ITPR1: variants seen among roughly 807,000 people sequenced by gnomAD.
ITPR1 encodes the protein inositol 1,4,5-trisphosphate-gated calcium channel ITPR1.
A neutral mutation model predicts 318.4 loss-of-function variants in ITPR1; 96 were observed. That is an observed-to-expected ratio of 0.30 (90% CI 0.26 to 0.36). The LOEUF is 0.36. Among genes scored for constraint, ITPR1 ranks in the 10% least tolerant of loss-of-function variants. ITPR1 has a pLI of 1.00. For synonymous variants in ITPR1, 1,312 were observed against 1,289.9 expected, an observed-to-expected ratio of 1.02 and a Z score of -0.37; for missense variants, 2,440 against 3,460.2, an observed-to-expected ratio of 0.71 and a Z score of 7.40.
chr3:4,517,559 TTA>T (rs760907584), intron 3 of ITPR1, among the ~76,000 whole-genome samples: 26 of 152,322 alleles, frequency 1.7e-4, no homozygotes, highest in Admixed American at 6.5e-4. Context: ...AGGGAGCAAA[TTA>T]TTATAGATAC....
intron 61 of ITPR1, among the ~76,000 whole-genome samples, chr3:4,839,479 G>GGT (rs747636617): frequency 9.2e-5 from 14 of 152,086 alleles, no homozygotes; most frequent in Admixed American, 4.6e-4. Flanking sequence ...TCCAGTCAGG[G>GGT]GTGTGTGTGT....
At chr3:4,645,223 G>A (rs1387509109) in intron 8 of ITPR1, among the ~76,000 whole-genome samples, 164 bp from the exon 9 acceptor site, 2 of 152,318 alleles carry the variant, frequency 1.3e-5, no homozygotes, top group Admixed American at 6.5e-5. Context: ...TCTGCCAGCA[G>A]GCCAGTTGAT....
intron 26 of ITPR1, among the ~76,000 whole-genome samples, chr3:4,682,663 C>T (rs537686630): frequency 8.6e-4 from 131 of 152,320 alleles, no homozygotes; most frequent in African/African-American, 3.0e-3. Flanking sequence ...AGCTCTCCCG[C>T]CATTTTCCTC....
chr3:4,498,673 G>A (rs2080789603), intron 2 of ITPR1, among the ~76,000 whole-genome samples: 1 of 152,200 alleles, frequency 6.6e-6, no homozygotes, highest in Admixed American at 6.5e-5. Flanking sequence ...TGGACTGTCT[G>A]GTTAATGACA....
In ITPR1 at chr3:4,693,587, A is replaced by T. The variant is rs955458642; in HGVS notation, c.4127A>T (p.Asp1376Val). The T allele has an allele frequency of 4.3e-6, 7 of 1,613,882 alleles. No homozygotes were observed. Among genetic ancestry groups the T allele is most frequent in the Non-Finnish European group, 5.9e-6 (7 of 1,179,908 alleles). Residue 1376 changes from aspartate (D) to valine (V), a missense_variant, in exon 33 of 62, where the codon GAT (aspartate) becomes GTT (valine). This residue lies in a region of ITPR1 where 222 missense variants were observed against 318.8 expected (regional missense o/e 0.70). Coordinates refer to ENST00000649015, the MANE Select transcript of ITPR1 (RefSeq NM_001378452.1). Reference sequence around the variant, plus strand: ...ATGCGGTCAGAACGGGATCGGATGGATGAGAACAGCCCTCTCATGTACCAC... The same window carrying T: ...ATGCGGTCAGAACGGGATCGGATGGTTGAGAACAGCCCTCTCATGTACCAC... ...QMMRSERDRM[D>V]ENSPLMYHIH...
intron 5 of ITPR1, among the ~76,000 whole-genome samples, chr3:4,630,212 C>A (rs548218886): frequency 8.5e-5 from 13 of 152,094 alleles, no homozygotes; most frequent in Non-Finnish European, 2.9e-5. Flanking sequence ...TCTGTATAAA[C>A]CCCATGAGTG....
At chr3:4,585,493 G>A (rs1380932657) in intron 4 of ITPR1, among the ~76,000 whole-genome samples, 1 of 152,094 alleles carries the variant, frequency 6.6e-6, no homozygotes, top group African/African-American at 2.4e-5. Context: ...CTGGAGTGCA[G>A]TGGTACGATC....
intron 4 of ITPR1, among the ~76,000 whole-genome samples, chr3:4,590,450 G>C (rs2090301701): frequency 6.6e-6 from 1 of 151,230 alleles, no homozygotes; most frequent in Non-Finnish European, 1.5e-5. Context: ...GTTGGCCCTG[G>C]TTGGACAGAA....
rs200562410 is a variant in ITPR1 at position 4,814,520 on chromosome 3, C to T, written c.7659C>T (p.Ser2553=). The T allele has an allele frequency of 2.1e-5, 32 of 1,558,996 alleles. No individual in the cohort carries two copies. In the East Asian group the frequency reaches 2.9e-4, roughly 14 times the overall value. The change falls in exon 58 of 62, where the codon AGC becomes AGT. Residue 2553 remains serine, a synonymous_variant. Coordinates refer to ENST00000649015, the MANE Select transcript of ITPR1 (RefSeq NM_001378452.1). ...IVTVLSHGLR[S]GGGVGDVLRK... is the part of the protein sequence containing the mutation. ...CTGTGCTGAGTCACGGGCTGCGGAG[C>T]GGGGGTGGAGTAGGAGATGTACTCA...
At chr3:4,573,924 A>T (rs2088312440) in intron 4 of ITPR1, among the ~76,000 whole-genome samples, 1 of 152,252 alleles carries the variant, frequency 6.6e-6, no homozygotes, top group African/African-American at 2.4e-5. Flanking sequence ...CAGGGATTCT[A>T]TCTCAGCATC....
chr3:4,800,702 A>T, intron 54 of ITPR1, 102 bp downstream of exon 54: 1 of 1,242,764 alleles, frequency 8.0e-7, no homozygotes, highest in Non-Finnish European at 1.1e-6. Context: ...CAGTCCAGAA[A>T]ATTATTGTTT....
At chr3:4,529,224 C>T (rs938843594) in intron 4 of ITPR1, among the ~76,000 whole-genome samples, 6 of 152,178 alleles carry the variant, frequency 3.9e-5, no homozygotes, top group African/African-American at 1.4e-4. Flanking sequence ...GTCATTTACC[C>T]TTATGATTTA....
chr3:4,545,622 CA>C (rs56829358), intron 4 of ITPR1, among the ~76,000 whole-genome samples: 13,859 of 68,818 alleles, frequency 0.2, 750 homozygotes, highest in East Asian at 0.39. Context: ...GACCCGGTCT[CA>C]AAAAAAAAAA....
chr3:4,601,513 AAAG>A (rs1252553961), intron 4 of ITPR1, among the ~76,000 whole-genome samples: 1 of 140,710 alleles, frequency 7.1e-6, no homozygotes, highest in Non-Finnish European at 1.5e-5. Context: ...AAAAAAAAAA[AAAG>A]TGTTGAACAC....
chr3:4,821,490 A>C (rs2049714098), intron 60 of ITPR1, among the ~76,000 whole-genome samples: 1 of 152,204 alleles, frequency 6.6e-6, no homozygotes, highest in South Asian at 2.1e-4. Flanking sequence ...CTCACCCCAC[A>C]CTGGGTCATA....
At chr3:4,843,537 ACT>A (rs1332069042) in intron 61 of ITPR1, among the ~76,000 whole-genome samples, 1 of 151,924 alleles carries the variant, frequency 6.6e-6, no homozygotes, top group Non-Finnish European at 1.5e-5. Flanking sequence ...TGAGTCAGAA[ACT>A]CTGTTTCTGA....
At chr3:4,803,404 T>G (rs1246350338) in intron 54 of ITPR1, among the ~76,000 whole-genome samples, 1 of 152,182 alleles carries the variant, frequency 6.6e-6, no homozygotes, top group Non-Finnish European at 1.5e-5. Context: ...CACAAATGAT[T>G]GGGAGAAGAA....
intron 34 of ITPR1, among the ~76,000 whole-genome samples, chr3:4,698,569 C>T (rs903510720): frequency 1.3e-5 from 2 of 152,110 alleles, no homozygotes; most frequent in Non-Finnish European, 2.9e-5. Flanking sequence ...TTCTGCCCTT[C>T]TAGCATGAAA....
intron 61 of ITPR1, among the ~76,000 whole-genome samples, chr3:4,837,153 G>A (rs2050982257): frequency 6.6e-6 from 1 of 152,024 alleles, no homozygotes; most frequent in Non-Finnish European, 1.5e-5. Flanking sequence ...TACTTTCAGT[G>A]CTGCTCAGGA....
Sources: allele counts gnomAD v4.1 joint callset (sites outside exome capture counted in the v4.1 genomes callset), GRCh38; gene constraint gnomAD v4.1.1; regional missense constraint gnomAD v4.1.1; transcripts MANE v1.5; gene names NCBI Gene and HGNC (gene_info 2026-07-23, HGNC 2026-07-21).